Variants in USP46 observed in about 807,000 individuals in gnomAD.
USP46 encodes the protein ubiquitin specific peptidase 46, also known as ubiquitin carboxyl-terminal hydrolase 46.
USP46 carries 12 observed loss-of-function variants against 44.4 expected under a neutral mutation model. That is an observed-to-expected ratio of 0.27 (90% CI 0.17 to 0.44). The LOEUF (loss-of-function observed/expected upper bound fraction) is 0.44. USP46 is among the 20% of genes least tolerant of loss of function. USP46 has a pLI of 1.00. For missense variants in USP46, 248 were observed against 444.8 expected, an observed-to-expected ratio of 0.56 and a Z score of 3.98; for synonymous variants, 155 against 161.5, an observed-to-expected ratio of 0.96 and a Z score of 0.31.
chr4:52,641,329 A>AG (rs1161910764), intron 1 of USP46, among the ~76,000 whole-genome samples: 1 of 152,192 alleles, frequency 6.6e-6, no homozygotes, highest in Non-Finnish European at 1.5e-5. Flanking sequence ...TTTATTAAAA[A>AG]TAGCATCTGA....
chr4:52,598,068 T>C (rs576117957), intron 8 of USP46, among the ~76,000 whole-genome samples: 1 of 152,294 alleles, frequency 6.6e-6, no homozygotes, highest in South Asian at 2.1e-4. Flanking sequence ...GCCACCAGAG[T>C]TCATCTCTTT....
intron 4 of USP46, among the ~76,000 whole-genome samples, chr4:52,619,538 G>A (rs1204598260): frequency 6.6e-6 from 1 of 152,134 alleles, no homozygotes; most frequent in East Asian, 1.9e-4. Flanking sequence ...CTAGGCAAAG[G>A]GTGTTACTCA....
chr4:52,647,387 A>G (rs1718585105), intron 1 of USP46, among the ~76,000 whole-genome samples: 1 of 152,208 alleles, frequency 6.6e-6, no homozygotes, highest in Admixed American at 6.5e-5. Context: ...TCAACATACA[A>G]CCTTGTGCAC....
chr4:52,598,057 G>A (rs1716314204), intron 8 of USP46, among the ~76,000 whole-genome samples: 1 of 152,064 alleles, frequency 6.6e-6, no homozygotes, highest in Non-Finnish European at 1.5e-5. Context: ...AAGTCTTTTC[G>A]GCCACCAGAG....
chr4:52,603,172 C>T (rs1212893042), intron 6 of USP46, among the ~76,000 whole-genome samples: 1 of 152,206 alleles, frequency 6.6e-6, no homozygotes, highest in Admixed American at 6.5e-5. Context: ...GAACACATGA[C>T]ATTGCAATAT....
chr4:52,656,563 C>G (rs1326090373), intron 1 of USP46: 6 of 1,361,990 alleles, frequency 4.4e-6, no homozygotes, highest in African/African-American at 2.9e-5. Flanking sequence ...CTCCACTGTC[C>G]CTTAAACACC....
rs1028700232 is a variant in USP46, at chr4:52,656,496, A to G, written c.36+2619T>C. The G allele has an allele frequency of 2.8e-5, 40 of 1,448,292 alleles. No homozygotes were observed. The African/African-American group carries it at 5.0e-4, about 18-fold the overall frequency. The allele number at this position is 1,448,292 out of a possible 1,614,324, so 89.7% of individuals were successfully genotyped here. A position where few individuals can be genotyped will look rare whatever the true frequency, so the allele number is the denominator to read the frequency against. The stretch of plus-strand genomic sequence containing the variant: ...TAAGGATTCCCACTCCAGCCTTCCT[A>G]TACATGGGAGGTGTTTATATTAGTG... On this transcript the variant is annotated intron_variant, in intron 1 of 8. Coordinates refer to ENST00000441222, the MANE Select transcript of USP46 (RefSeq NM_022832.4).
At chr4:52,641,099 G>A (rs997194602) in intron 1 of USP46, among the ~76,000 whole-genome samples, 2 of 151,996 alleles carry the variant, frequency 1.3e-5, no homozygotes, top group African/African-American at 4.8e-5. Flanking sequence ...AAATTGTAAA[G>A]TATGTTACAA....
At chr4:52,625,985 T>A in intron 4 of USP46, 33 bp downstream of exon 4, 2 of 1,574,544 alleles carry the variant, frequency 1.3e-6, no homozygotes, top group Non-Finnish European at 1.7e-6. Flanking sequence ...AATATGAACA[T>A]GCGAGCTACA....
At chr4:52,656,102 T>G (rs1001622827) in intron 1 of USP46, among the ~76,000 whole-genome samples, 17 of 152,202 alleles carry the variant, frequency 1.1e-4, no homozygotes, top group African/African-American at 3.6e-4. Context: ...AAATGGTACC[T>G]TCTAATATCC....
In USP46 at chr4:52,593,067, G is replaced by A. The variant is rs563259556; in HGVS notation, c.*4573C>T. ...TATGTCTTTATAGCACTGCCAGAAT[G>A]GACAAATACAACGACTTAGTAAGTA... On this transcript the variant is annotated 3_prime_UTR_variant, in exon 9 of 9. Transcript: ENST00000441222. 6 of 397,162 alleles carry A rather than the reference G, an allele frequency of 1.5e-5. No individual in the cohort carries two copies. In the East Asian group the frequency reaches 2.1e-4, roughly 14 times the overall value. 24.6% of individuals were successfully genotyped at this position (397,162 alleles called of 1,614,324 possible).
At chr4:52,615,660 T>C (rs1717104834) in intron 4 of USP46, among the ~76,000 whole-genome samples, 1 of 152,162 alleles carries the variant, frequency 6.6e-6, no homozygotes, top group South Asian at 2.1e-4. Context: ...TCCATTTACA[T>C]GAAACATCCA....
chr4:52,621,990 A>T (rs1271466480), intron 4 of USP46, among the ~76,000 whole-genome samples: 2 of 152,254 alleles, frequency 1.3e-5, no homozygotes. Context: ...ACCTTTAATG[A>T]TAATAGCAAG....
chr4:52,648,622 G>A (rs1363764321), intron 1 of USP46, among the ~76,000 whole-genome samples: 1 of 152,122 alleles, frequency 6.6e-6, no homozygotes, highest in African/African-American at 2.4e-5. Context: ...GAAAAGCTTG[G>A]AAATAATAGG....
intron 5 of USP46, among the ~76,000 whole-genome samples, chr4:52,609,578 C>A (rs937743136): frequency 6.6e-6 from 1 of 152,178 alleles, no homozygotes; most frequent in South Asian, 2.1e-4. Flanking sequence ...AGTGGCAACA[C>A]CTGGCAGGCT....
intron 7 of USP46, among the ~76,000 whole-genome samples, chr4:52,600,673 G>C (rs989108716): frequency 3.3e-5 from 5 of 151,124 alleles, no homozygotes; most frequent in African/African-American, 1.2e-4. Context: ...CTGTGCAAGG[G>C]GCCCTCCTGT....
At chr4:52,612,094 G>A (rs989758268) in intron 4 of USP46, among the ~76,000 whole-genome samples, 2 of 152,146 alleles carry the variant, frequency 1.3e-5, no homozygotes, top group Non-Finnish European at 2.9e-5. Context: ...TACATGTGAA[G>A]TGCTTTAAAA....
In USP46 at chr4:52,597,313, G is replaced by T. The variant is rs571268091; in HGVS notation, c.*327C>A. 3.1e-4 allele frequency: 76 copies of T among 246,868 alleles called. No homozygotes were observed. In the Middle Eastern group the frequency reaches 4.1e-3, roughly 13 times the overall value. The allele number at this position is 246,868 out of a possible 1,614,324, so 15.3% of individuals were successfully genotyped here. A position where few individuals can be genotyped will look rare whatever the true frequency, so the allele number is the denominator to read the frequency against. ...AGAAGTTTAGCAAACACCTAAAACA[G>T]ACCGTAGACATTCATAGGAAATGTC... On this transcript the variant is annotated 3_prime_UTR_variant, in exon 9 of 9. Transcript: ENST00000441222.
intron 1 of USP46, among the ~76,000 whole-genome samples, chr4:52,632,849 A>C (rs377501008): frequency 2.1e-4 from 32 of 150,340 alleles, no homozygotes; most frequent in African/African-American, 6.9e-4. Context: ...AAAAAAAAGA[A>C]AAGACAAGAG....
Sources: allele counts gnomAD v4.1 joint callset (sites outside exome capture counted in the v4.1 genomes callset), GRCh38; gene constraint gnomAD v4.1.1; transcripts MANE v1.5; gene names NCBI Gene and HGNC (gene_info 2026-07-23, HGNC 2026-07-21).